Variants in CCDC9B observed in about 807,000 individuals in gnomAD.
CCDC9B encodes the protein coiled-coil domain-containing protein 9B.
CCDC9B carries 40 observed loss-of-function variants against 47.2 expected under a neutral mutation model. That is an observed-to-expected ratio of 0.85 (90% CI 0.66 to 1.10). The LOEUF (loss-of-function observed/expected upper bound fraction) is 1.10, where lower values mean the gene tolerates loss of function less well. Ranked by LOEUF, CCDC9B falls within the 50% of genes least tolerant of loss-of-function variation. The pLI, the probability that CCDC9B is intolerant of heterozygous loss-of-function variation, is 0.00. For synonymous variants in CCDC9B, 238 were observed against 250.7 expected (o/e 0.95, Z 0.48); for missense variants, 662 against 651.0 (o/e 1.02, Z -0.18).
chr15:40,337,624 G>T, intron 6 of CCDC9B, 100 bp downstream of exon 6: 1 of 1,364,132 alleles, frequency 7.3e-7, no homozygotes, highest in Non-Finnish European at 9.9e-7. Flanking sequence ...GCCCAGCAAG[G>T]TCCTCTCAAC....
chr15:40,333,732 C>T lies in CCDC9B; in HGVS notation c.*1426G>A. On this transcript the variant is annotated 3_prime_UTR_variant, in exon 11 of 11. Coordinates refer to ENST00000397536, the MANE Select transcript of CCDC9B (RefSeq NM_207380.3). ...TAGAGGGGTGGGGTGGAGTTGAGAG[C>T]CAGTGAGGAAGGCTGAGCTGGGACC... The T allele has an allele frequency of 1.4e-6, 1 of 696,204 alleles. No individual in the cohort carries two copies. Among genetic ancestry groups the T allele is most frequent in the Non-Finnish European group, 1.8e-6 (1 of 566,760 alleles). 43.1% of individuals were successfully genotyped at this position (696,204 alleles called of 1,614,324 possible).
Position 40,339,547 on chromosome 15 carries a change from C to T in CCDC9B, c.196G>A (p.Asp66Asn). The T allele has an allele frequency of 6.2e-7, 1 of 1,612,786 alleles. No individual in the cohort carries two copies. The highest frequency in any genetic ancestry group is 8.5e-7 in the Non-Finnish European group (1 of 1,178,906). Reference protein sequence around the residue: ...AVTTPALLQPDGLTVTISQVP... With the variant: ...AVTTPALLQPNGLTVTISQVP... Reference sequence around the variant, plus strand: ...TGGCTGATGGTAACGGTGAGGCCATCAGGCTGGAGGAGTGCTGGTGTGGTC... The same window carrying T: ...TGGCTGATGGTAACGGTGAGGCCATTAGGCTGGAGGAGTGCTGGTGTGGTC... Residue 66 changes from aspartate (D) to asparagine (N), a missense_variant, in exon 3 of 11, where the codon GAT (aspartate) becomes AAT (asparagine). Transcript: ENST00000397536.
rs1289463975 is a variant in CCDC9B, at chr15:40,338,520, C to T, written c.513+15G>A. On this transcript the variant is annotated intron_variant, in intron 5 of 10. Transcript: ENST00000397536. ...ACCTTCAGATCCATGTCCCCATCCC[C>T]TCTTGAAGACACACCTTCCGTGCAG... 3 of 1,612,302 alleles carry T rather than the reference C, an allele frequency of 1.9e-6. No homozygotes were observed. Among genetic ancestry groups the T allele is most frequent in the Non-Finnish European group, 1.7e-6 (2 of 1,178,834 alleles).
In CCDC9B at chr15:40,339,539, G is replaced by A. The variant is rs1263617169; in HGVS notation, c.204C>T (p.Leu68=). ...TTPALLQPDG[L]TVTISQVPGE... The stretch of plus-strand genomic sequence containing the variant: ...CGGGAACCTGGCTGATGGTAACGGT[G>A]AGGCCATCAGGCTGGAGGAGTGCTG... Residue 68 remains leucine (L), a synonymous_variant, in exon 3 of 11, where the codon CTC becomes CTT. Transcript: ENST00000397536. 1 of 1,613,694 alleles carries A rather than the reference G, an allele frequency of 6.2e-7. No homozygotes were observed. Among genetic ancestry groups the A allele is most frequent in the Non-Finnish European group, 8.5e-7 (1 of 1,179,764 alleles).
chr15:40,337,441 T>C lies in CCDC9B; in HGVS notation c.689A>G (p.Gln230Arg), dbSNP rs755028139. The C allele has an allele frequency of 6.3e-7, 1 of 1,575,440 alleles. No homozygotes were observed. The highest frequency in any genetic ancestry group is 1.4e-5 in the African/African-American group (1 of 73,610). The stretch of plus-strand genomic sequence containing the variant: ...TTCTCCCCTCAGCTGGCTGCAGTCC[T>C]GTAGCCTGTGTAGACAGAGGGAGTC... ...WDLDKAKSTL[Q>R]DCSQLRGEGP... The change falls in exon 7 of 11, where the codon CAG becomes CGG. Residue 230 changes from glutamine (Q) to arginine (R), a missense_variant. Coordinates refer to ENST00000397536, the MANE Select transcript of CCDC9B (RefSeq NM_207380.3).
At position 40,335,552 on chromosome 15, in the gene CCDC9B, G is replaced by A. The variant is rs759044737; in HGVS notation, c.1079C>T (p.Thr360Ile). 7.9e-6 allele frequency: 12 copies of A among 1,511,540 alleles called. 1 individual carries two copies. The South Asian group carries it at 1.3e-4, about 17-fold the overall frequency. The allele number at this position is 1,511,540 out of a possible 1,614,324, so 93.6% of individuals were successfully genotyped here. Residue 360 changes from threonine (T) to isoleucine (I), a missense_variant, in exon 11 of 11, where the codon ACA becomes ATA. Physicochemically the swap from Thr to Ile is moderately conservative, Grantham distance 89. Transcript: ENST00000397536. ...EGPKGESVAS[T>I]ASSVPCSPQE... Reference sequence around the variant, plus strand: ...TGGAGAGCAGGGGACTGAGCTGGCTGTGGAAGCCACTGACTCCCCCTTCGG... The same window carrying A: ...TGGAGAGCAGGGGACTGAGCTGGCTATGGAAGCCACTGACTCCCCCTTCGG...
At position 40,335,643 on chromosome 15, in the gene CCDC9B, C is replaced by A. The variant is rs765357438; in HGVS notation, c.988G>T (p.Gly330Trp). Residue 330 changes from glycine (G) to tryptophan (W), a missense_variant, in exon 11 of 11, where the codon GGG (glycine) becomes TGG (tryptophan). Transcript: ENST00000397536. ...SEEEQAQKQS[G>W]MEQGRLGSAP... The stretch of plus-strand genomic sequence containing the variant: ...CTCCCCAGTCGGCCCTGCTCCATCC[C>A]GCTCTGCTTCTGGGCTTGCTCCTCC... 3 of 1,527,118 alleles carry A rather than the reference C, an allele frequency of 2.0e-6. No individual in the cohort carries two copies. Among genetic ancestry groups the A allele is most frequent in the Admixed American group, 2.0e-5 (1 of 49,998 alleles). 94.6% of individuals were successfully genotyped at this position (1,527,118 alleles called of 1,614,324 possible).
At chr15:40,336,908 G>C in intron 7 of CCDC9B, 95 bp from the exon 8 acceptor site, 1 of 1,314,422 alleles carries the variant, frequency 7.6e-7, no homozygotes. Flanking sequence ...GTCAGTCCTC[G>C]GGGCCAGTCG....
Position 40,332,682 on chromosome 15 carries a change from CTG to C in CCDC9B, c.*2474_*2475del, listed in dbSNP as rs1566906526. On this transcript the variant is annotated 3_prime_UTR_variant, in exon 11 of 11. Transcript: ENST00000397536. ...TGGCAGCACTGGGTTGGGGAGCAGA[CTG>C]TGAATCTTATAATTCAGATTCTTGA... 1.3e-5 allele frequency: 2 copies of C among 152,208 alleles called. No individual in the cohort carries two copies. The highest frequency in any genetic ancestry group is 4.8e-5 in the African/African-American group (2 of 41,448). 9.4% of individuals were successfully genotyped at this position (152,208 alleles called of 1,614,324 possible).
chr15:40,333,233 G>T lies in CCDC9B; in HGVS notation c.*1925C>A, dbSNP rs1888890854. On this transcript the variant is annotated 3_prime_UTR_variant, in exon 11 of 11. Coordinates refer to ENST00000397536, the MANE Select transcript of CCDC9B (RefSeq NM_207380.3). ...AAACCCTTAACTACTCAAAACCATG[G>T]TCCAGGAACCAGCATGGGCTTCACC... 6.6e-6 allele frequency: 1 copy of T among 152,086 alleles called. No individual in the cohort carries two copies. The highest frequency in any genetic ancestry group is 2.1e-4 in the South Asian group (1 of 4,814). 9.4% of individuals were successfully genotyped at this position (152,086 alleles called of 1,614,324 possible). A position where few individuals can be genotyped will look rare whatever the true frequency, so the allele number is the denominator to read the frequency against.
chr15:40,335,172 C>T lies in CCDC9B; in HGVS notation c.1459G>A (p.Ala487Thr), dbSNP rs757332648. The T allele has an allele frequency of 6.0e-6, 9 of 1,508,526 alleles. No individual in the cohort carries two copies. Among genetic ancestry groups the T allele is most frequent in the Non-Finnish European group, 6.2e-6 (7 of 1,128,536 alleles). The allele number at this position is 1,508,526 out of a possible 1,614,324, so 93.4% of individuals were successfully genotyped here. Reference sequence around the variant, plus strand: ...AGGAGCTGTGTTCAGCATCTTCCTGCCGGGCCAGGGCGCCCTGTCCTGCGC... The same window carrying T: ...AGGAGCTGTGTTCAGCATCTTCCTGTCGGGCCAGGGCGCCCTGTCCTGCGC... ...VRRRTGRPGP[A>T]GRC is the part of the protein sequence containing the mutation. Residue 487 changes from alanine (A) to threonine (T), a missense_variant, in exon 11 of 11, where the codon GCA (alanine) becomes ACA (threonine). Physicochemically the swap from Ala to Thr is moderately conservative, Grantham distance 58. Transcript: ENST00000397536.
intron 7 of CCDC9B, 54 bp downstream of exon 7, chr15:40,337,334 G>T: frequency 1.4e-6 from 2 of 1,458,524 alleles, no homozygotes; most frequent in Non-Finnish European, 1.9e-6. Flanking sequence ...AGGACAAGGG[G>T]GTGAAAGATG....
intron 9 of CCDC9B, 60 bp downstream of exon 9, chr15:40,336,514 G>A: frequency 6.3e-7 from 1 of 1,589,416 alleles, no homozygotes; most frequent in East Asian, 2.3e-5. Context: ...GGCCTGTACT[G>A]GTCCAGGAAA....
In CCDC9B at chr15:40,331,838, G is replaced by T. The variant is rs566873522; in HGVS notation, c.*3320C>A. ...TCCAAGGCCTGTGCTTGTTCCACCC[G>T]GCCACACTGCCTGTCATCAAAACAC... On this transcript the variant is annotated 3_prime_UTR_variant, in exon 11 of 11. Transcript: ENST00000397536. 6.6e-6 allele frequency: 1 copy of T among 152,540 alleles called. No homozygotes were observed. The highest frequency in any genetic ancestry group is 2.4e-5 in the African/African-American group (1 of 41,424). The allele number at this position is 152,540 out of a possible 1,614,324, so 9.4% of individuals were successfully genotyped here.
intron 1 of CCDC9B, 48 bp from the exon 2 acceptor site, chr15:40,340,063 A>G (rs1381730194): frequency 8.5e-7 from 1 of 1,181,910 alleles, no homozygotes; most frequent in South Asian, 1.3e-5. Flanking sequence ...TCCCCCTCTC[A>G]CCAGTCCCCA....
rs1410029971 is a variant in CCDC9B at position 40,334,351 on chromosome 15, GGTGGGGAAAGAGGAA to G, written c.*792_*806del. 3 of 152,662 alleles carry G rather than the reference GGTGGGGAAAGAGGAA, an allele frequency of 2.0e-5. No homozygotes were observed. Among genetic ancestry groups the G allele is most frequent in the African/African-American group, 7.2e-5 (3 of 41,452 alleles). 9.5% of individuals were successfully genotyped at this position (152,662 alleles called of 1,614,324 possible). On this transcript the variant is annotated 3_prime_UTR_variant, in exon 11 of 11. Transcript: ENST00000397536. ...CCTGGCCCTGGTGCTAGTGCAGGAC[GGTGGGGAAAGAGGAA>G]GTGGAAAGAGCAGGAAATGACCCTG...
At position 40,335,238 on chromosome 15, in the gene CCDC9B, T is replaced by C; in HGVS notation, c.1393A>G (p.Arg465Gly). 2 of 1,593,230 alleles carry C rather than the reference T, an allele frequency of 1.3e-6. No homozygotes were observed. Among genetic ancestry groups the C allele is most frequent in the Non-Finnish European group, 1.7e-6 (2 of 1,167,924 alleles). Residue 465 changes from arginine to glycine, a missense_variant, in exon 11 of 11, where the codon AGA (arginine) becomes GGA (glycine). By Grantham distance (125) the Arg-to-Gly change is moderately radical. Coordinates refer to ENST00000397536, the MANE Select transcript of CCDC9B (RefSeq NM_207380.3). ...QGLAPRSRPT[R>G]GGSQRSRGTA... ...CCTCTCGACCTTTGGCTGCCTCCTC[T>C]CGTGGGCCGGCTTCTCGGGGCCAGG...
At chr15:40,340,604 G>T in intron 1 of CCDC9B, 1 of 582,536 alleles carries the variant, frequency 1.7e-6, no homozygotes, top group Non-Finnish European at 3.0e-6. Flanking sequence ...CCCAGCCCAG[G>T]AGTCACCCTG....
intron 5 of CCDC9B, chr15:40,338,141 A>G: frequency 1.4e-6 from 1 of 722,306 alleles, no homozygotes; most frequent in Non-Finnish European, 2.6e-6. Context: ...ACCAACCCAC[A>G]GGGGTGTTGC....
Sources: allele counts gnomAD v4.1 joint callset, GRCh38; gene constraint gnomAD v4.1.1; transcripts MANE v1.5; gene names NCBI Gene and HGNC (gene_info 2026-07-23, HGNC 2026-07-21).